The following ZHX3 variants were observed in gnomAD, a reference collection of about 807,000 sequenced individuals.
The protein encoded by ZHX3 is zinc fingers and homeoboxes 3.
Under a neutral mutation model 64.5 loss-of-function variants are expected in ZHX3, and 20 were observed. That is an observed-to-expected ratio of 0.31 (90% CI 0.22 to 0.45). ZHX3 has a LOEUF of 0.45. Among genes scored for constraint, ZHX3 ranks in the 20% least tolerant of loss-of-function variants. The pLI, the probability that ZHX3 is intolerant of heterozygous loss-of-function variation, is 1.00. For missense variants in ZHX3, 1,041 were observed against 1,195.8 expected, an observed-to-expected ratio of 0.87 and a Z score of 1.91; for synonymous variants, 423 against 461.6, an observed-to-expected ratio of 0.92 and a Z score of 1.07.
intron 2 of ZHX3, among the ~76,000 whole-genome samples, chr20:41,261,960 AT>A (rs2042583049): frequency 6.6e-6 from 1 of 152,098 alleles, no homozygotes; most frequent in Non-Finnish European, 1.5e-5. Flanking sequence ...CACACCCTTT[AT>A]GCCACTCCCC....
At chr20:41,260,707 G>A (rs1298998214) in intron 2 of ZHX3, among the ~76,000 whole-genome samples, 1 of 152,162 alleles carries the variant, frequency 6.6e-6, no homozygotes, top group Non-Finnish European at 1.5e-5. Context: ...AACAATGGTG[G>A]AACACACACT....
In ZHX3 at chr20:41,185,638, G is replaced by C; in HGVS notation, c.2861-437C>G. On this transcript the variant is annotated intron_variant, in intron 3 of 3. Transcript: ENST00000683867. The surrounding 1 kb of genome is among the most constrained non-coding windows in gnomAD (Gnocchi z 5.0). ...GTCTAGTTCTGATATGTATTCTACT[G>C]ATGTCTTCACTTCATTTGTAACTTG... The C allele has an allele frequency of 5.0e-6, 1 of 201,148 alleles. No individual in the cohort carries two copies. The highest frequency in any genetic ancestry group is 9.9e-6 in the Non-Finnish European group (1 of 100,912). The allele number at this position is 201,148 out of a possible 1,614,324, so 12.5% of individuals were successfully genotyped here.
At chr20:41,238,992 C>CTTTTTTT (rs36076017) in intron 2 of ZHX3, among the ~76,000 whole-genome samples, 4 of 86,300 alleles carry the variant, frequency 4.6e-5, no homozygotes, top group Non-Finnish European at 8.4e-5. Context: ...TTTTCTCTCT[C>CTTTTTTT]TTTTTTTTTT....
rs2038342029 is a variant in ZHX3 at position 41,202,714 on chromosome 20, T to G, written c.2203A>C (p.Thr735Pro). 6.2e-7 allele frequency: 1 copy of G among 1,614,058 alleles called. No homozygotes were observed. The highest frequency in any genetic ancestry group is 1.7e-5 in the Admixed American group (1 of 60,008). Residue 735 changes from threonine (T) to proline (P), a missense_variant, in exon 3 of 4, where the codon ACT becomes CCT. By Grantham distance (38) the Thr-to-Pro change is conservative (BLOSUM62 -1). This residue lies in a region of ZHX3 where 649 missense variants were observed against 739.8 expected (regional missense o/e 0.88). Coordinates refer to ENST00000683867, the MANE Select transcript of ZHX3 (RefSeq NM_001384317.1). The surrounding 1 kb of genome is among the most constrained non-coding windows in gnomAD (Gnocchi z 7.0). ...IKINLKNLRV[T>P]EANGRNEIPG... is the part of the protein sequence containing the mutation. ...ATCTCGTTCCTGCCATTGGCTTCAG[T>G]GACCCTCAGGTTCTTCAGGTTGATT... is the stretch of plus-strand genomic sequence containing the variant.
Position 41,187,656 on chromosome 20 carries a change from C to G in ZHX3, c.2861-2455G>C, listed in dbSNP as rs140781777. On this transcript the variant is annotated intron_variant, in intron 3 of 3. Transcript: ENST00000683867. ...TGTCTCTCCTTATGCCAGTACCACA[C>G]TGTTTTGATTACTGTAGCTTTGTAG... Among the ~76,000 whole-genome samples the G allele has an allele frequency of 2.0e-3, 304 of 152,300 alleles. 3 individuals are homozygous for G. The highest frequency in any genetic ancestry group is 6.4e-3 in the African/African-American group (266 of 41,562).
At chr20:41,310,325 G>A (rs558302533) in intron 1 of ZHX3, among the ~76,000 whole-genome samples, 1 of 152,204 alleles carries the variant, frequency 6.6e-6, no homozygotes, top group East Asian at 1.9e-4. Context: ...TGACCTCAAT[G>A]GTATGTCAAA....
At chr20:41,312,743 A>G (rs2045177498) in intron 1 of ZHX3, among the ~76,000 whole-genome samples, 1 of 152,198 alleles carries the variant, frequency 6.6e-6, no homozygotes, top group African/African-American at 2.4e-5. Flanking sequence ...AGAATACGGC[A>G]TGTTTGAGGA....
Position 41,202,799 on chromosome 20 carries a change from A to T in ZHX3, c.2118T>A (p.Asn706Lys), listed in dbSNP as rs1187580536. 6.2e-7 allele frequency: 1 copy of T among 1,613,834 alleles called. No individual in the cohort carries two copies. The highest frequency in any genetic ancestry group is 1.3e-5 in the African/African-American group (1 of 74,832). Residue 706 changes from asparagine (N) to lysine (K), a missense_variant, in exon 3 of 4, where the codon AAT becomes AAA. Around this residue, in one of 4 missense-constraint regions of ZHX3, gnomAD observed 649 missense variants for 739.8 expected, o/e 0.88. Transcript: ENST00000683867. This position sits in a 1 kb window ranked among gnomAD's most constrained non-coding sequence, Gnocchi z 7.0. ...LASELRVSGE[N>K]GSLEMPSSHI... Reference sequence around the variant, plus strand: ...GGCTGCTGGGCATTTCCAGAGAGCCATTTTCACCAGAGACCCTTAGCTCAC... The same window carrying T: ...GGCTGCTGGGCATTTCCAGAGAGCCTTTTTCACCAGAGACCCTTAGCTCAC...
intron 2 of ZHX3, among the ~76,000 whole-genome samples, chr20:41,237,627 T>C (rs2041098657): frequency 6.6e-6 from 1 of 150,922 alleles, no homozygotes; most frequent in Non-Finnish European, 1.5e-5. Flanking sequence ...GTAGGAGGAG[T>C]GGGGAGGGAT....
intron 1 of ZHX3, among the ~76,000 whole-genome samples, chr20:41,299,122 T>A (rs1332937040): frequency 6.6e-6 from 1 of 152,202 alleles, no homozygotes; most frequent in Non-Finnish European, 1.5e-5. Flanking sequence ...TGTGCCAGCA[T>A]TTCTCACCCT....
intron 3 of ZHX3, chr20:41,188,439 G>A (rs1375916076): frequency 3.7e-5 from 4 of 109,026 alleles, no homozygotes; most frequent in South Asian, 3.2e-4. Context: ...ACAGGATCTC[G>A]CTCTGTAACC....
intron 1 of ZHX3, among the ~76,000 whole-genome samples, chr20:41,272,907 G>A (rs911770449): frequency 1.3e-5 from 2 of 152,064 alleles, no homozygotes; most frequent in Non-Finnish European, 1.5e-5. Context: ...GGAATTGCTG[G>A]GTCATATGGT....
intron 2 of ZHX3, among the ~76,000 whole-genome samples, chr20:41,211,498 A>G (rs775705129): frequency 2.6e-5 from 4 of 152,346 alleles, no homozygotes; most frequent in Non-Finnish European, 5.9e-5. Context: ...ATTTTTAATT[A>G]TAAAGATAAA....
chr20:41,286,108 C>T (rs1039301774), intron 1 of ZHX3, among the ~76,000 whole-genome samples: 22 of 152,120 alleles, frequency 1.4e-4, no homozygotes, highest in African/African-American at 3.6e-4. Context: ...ATAGAAAGCA[C>T]GCTTACTCAT....
chr20:41,299,349 G>C (rs1215607976), intron 1 of ZHX3, among the ~76,000 whole-genome samples: 1 of 151,996 alleles, frequency 6.6e-6, no homozygotes, highest in African/African-American at 2.4e-5. Flanking sequence ...TTATGCTAAG[G>C]GTTTCATTTA....
chr20:41,209,631 T>G (rs538264605), intron 2 of ZHX3, among the ~76,000 whole-genome samples: 228 of 152,326 alleles, frequency 1.5e-3, no homozygotes, highest in Admixed American at 2.9e-3. Context: ...CTGGGAAAAC[T>G]GGCTAGCCAT....
chr20:41,238,264 A>C (rs945576813), intron 2 of ZHX3, among the ~76,000 whole-genome samples: 1 of 152,224 alleles, frequency 6.6e-6, no homozygotes, highest in Non-Finnish European at 1.5e-5. Context: ...AAGTTAAATG[A>C]AGCTTAACAT....
intron 2 of ZHX3, chr20:41,238,849 T>C (rs922086284): frequency 2.6e-5 from 4 of 152,096 alleles, no homozygotes; most frequent in Non-Finnish European, 5.9e-5. Flanking sequence ...ATTTGGATTC[T>C]AAGATGCAAG....
intron 1 of ZHX3, chr20:41,271,936 A>AG (rs1272860149): frequency 1.6e-4 from 25 of 152,338 alleles, no homozygotes; most frequent in African/African-American, 6.0e-4. Flanking sequence ...CAAAATCACC[A>AG]GAAAAACTTG....
Sources: gnomAD v4.1 joint callset for allele counts (sites outside exome capture counted in the v4.1 genomes callset) on GRCh38, gnomAD v4.1.1 for gene constraint, gnomAD v4.1.1 regional missense constraint, Gnocchi (gnomAD v3.1) non-coding constraint, MANE v1.5 for transcripts, NCBI Gene and HGNC (gene_info 2026-07-23, HGNC 2026-07-21) for gene names.